MAPKAP1: variants seen among roughly 807,000 people sequenced by gnomAD.
MAPKAP1 encodes MAPK associated protein 1.
MAPKAP1 carries 20 observed loss-of-function variants against 65.7 expected under a neutral mutation model. That is an observed-to-expected ratio of 0.30 (90% confidence interval 0.21 to 0.44). The LOEUF is 0.44. Ranked by LOEUF, MAPKAP1 falls within the 20% of genes least tolerant of loss-of-function variation. The probability of loss-of-function intolerance (pLI) is 1.00; values close to 1 mark genes in which losing one functional copy is unlikely to be tolerated. For missense variants in MAPKAP1, 423 were observed against 648.0 expected (o/e 0.65, Z 3.77); for synonymous variants, 222 against 244.3 (o/e 0.91, Z 0.85).
chr9:125,579,293 A>G (rs1234009034), intron 5 of MAPKAP1, among the ~76,000 whole-genome samples: 1 of 152,132 alleles, frequency 6.6e-6, no homozygotes, highest in Non-Finnish European at 1.5e-5. Context: ...CAGGAGAACA[A>G]TATTTTTTCT....
intron 1 of MAPKAP1, among the ~76,000 whole-genome samples, chr9:125,687,445 T>C (rs1835017642): frequency 6.6e-6 from 1 of 152,058 alleles, no homozygotes; most frequent in Non-Finnish European, 1.5e-5. Context: ...AGCCATAATA[T>C]GTGTCCTATT....
chr9:125,499,155 A>G (rs927116106), intron 8 of MAPKAP1, among the ~76,000 whole-genome samples: 5 of 152,242 alleles, frequency 3.3e-5, no homozygotes, highest in Non-Finnish European at 5.9e-5. Context: ...GAGACAGTTC[A>G]TTGACAGCAC....
At chr9:125,529,385 G>A (rs700115) in intron 7 of MAPKAP1, among the ~76,000 whole-genome samples, 136,151 of 151,796 alleles carry the variant, frequency 0.9, 61,919 homozygotes, top group East Asian at 1. Flanking sequence ...CTCTACTGAA[G>A]GATAAGTTAG....
At chr9:125,624,421 C>G (rs1475151386) in intron 4 of MAPKAP1, among the ~76,000 whole-genome samples, 1 of 99,902 alleles carries the variant, frequency 1.0e-5, no homozygotes, top group Non-Finnish European at 2.1e-5. Flanking sequence ...CCGCCCCGTC[C>G]GGGAGGGAGG....
At chr9:125,705,748 T>G in intron 1 of MAPKAP1, among the ~76,000 whole-genome samples, 1 of 152,126 alleles carries the variant, frequency 6.6e-6, no homozygotes, top group Admixed American at 6.6e-5. Context: ...TGAGGCCAAC[T>G]CAGCTGAGCC....
chr9:125,683,820 TA>T (rs1834894498), intron 1 of MAPKAP1, among the ~76,000 whole-genome samples: 1 of 152,206 alleles, frequency 6.6e-6, no homozygotes, highest in South Asian at 2.1e-4. Flanking sequence ...TGAAGGAAAA[TA>T]AGCCTATAAC....
At chr9:125,686,413 A>C (rs986811423) in intron 1 of MAPKAP1, among the ~76,000 whole-genome samples, 2 of 152,222 alleles carry the variant, frequency 1.3e-5, no homozygotes, top group Admixed American at 6.5e-5. Context: ...AGGAAACCTA[A>C]ATTCCAGGGA....
At chr9:125,543,214 A>C (rs1197591304) in intron 6 of MAPKAP1, 46 bp from the exon 7 acceptor site, 2 of 1,364,598 alleles carry the variant, frequency 1.5e-6, no homozygotes, top group East Asian at 4.6e-5. Flanking sequence ...ATTCATCCAG[A>C]GAGATGTTAC....
intron 8 of MAPKAP1, among the ~76,000 whole-genome samples, chr9:125,497,881 G>A (rs545972101): frequency 2.6e-5 from 4 of 152,212 alleles, no homozygotes; most frequent in Non-Finnish European, 5.9e-5. Flanking sequence ...TGGTTCAAGC[G>A]GCACCTTTCT....
At position 125,447,694 on chromosome 9, in the gene MAPKAP1, A is replaced by C. The variant is rs1395758785; in HGVS notation, c.1346-3096T>G. ...CAGAGAAATGAACACCGAGAGTCAA[A>C]TATGATGAGCGTGAAGAAGGTAAAC... is the stretch of plus-strand genomic sequence containing the variant. On this transcript the variant is annotated intron_variant, in intron 10 of 11. Transcript: ENST00000265960. This position sits in a 1 kb window ranked among gnomAD's most constrained non-coding sequence, Gnocchi z 4.5. 6.6e-6 allele frequency among the ~76,000 whole-genome samples: 1 copy of C among 152,222 alleles called. No homozygotes were observed. Among genetic ancestry groups the C allele is most frequent in the Non-Finnish European group, 1.5e-5 (1 of 68,044 alleles).
At chr9:125,496,263 T>C (rs1004334938) in intron 8 of MAPKAP1, among the ~76,000 whole-genome samples, 1 of 152,208 alleles carries the variant, frequency 6.6e-6, no homozygotes, top group Non-Finnish European at 1.5e-5. Context: ...TAAATTCTAA[T>C]AGCGTGCAGC....
chr9:125,469,297 G>T (rs926551600), intron 9 of MAPKAP1, among the ~76,000 whole-genome samples: 4 of 152,014 alleles, frequency 2.6e-5, no homozygotes, highest in South Asian at 2.1e-4. Context: ...CAAAATGTGA[G>T]AAAACTTAGT....
intron 8 of MAPKAP1, 23 bp downstream of exon 8, chr9:125,506,287 A>G (rs1385391915): frequency 1.9e-6 from 3 of 1,596,816 alleles, no homozygotes; most frequent in South Asian, 1.1e-5. Flanking sequence ...CAAAGCGGGC[A>G]TGGAGCGAGG....
At chr9:125,482,148 A>AAAGAAG (rs549036267) in intron 9 of MAPKAP1, among the ~76,000 whole-genome samples, 12,143 of 116,772 alleles carry the variant, frequency 0.1, 1,399 homozygotes, top group African/African-American at 0.27. Flanking sequence ...AAAAAAAAAA[A>AAAGAAG]AAGAAGAAGA....
intron 7 of MAPKAP1, among the ~76,000 whole-genome samples, chr9:125,539,804 T>G (rs1374016073): frequency 6.6e-6 from 1 of 152,198 alleles, no homozygotes; most frequent in African/African-American, 2.4e-5. Context: ...TCTTAAATAG[T>G]AGGGACTTCC....
chr9:125,635,536 G>T (rs1008521957), intron 4 of MAPKAP1, among the ~76,000 whole-genome samples: 1 of 152,188 alleles, frequency 6.6e-6, no homozygotes. Flanking sequence ...CCACAAGACC[G>T]TTCATGAAGC....
chr9:125,561,560 A>C (rs1564559091), intron 5 of MAPKAP1, among the ~76,000 whole-genome samples: 2 of 152,246 alleles, frequency 1.3e-5, no homozygotes, highest in Non-Finnish European at 1.5e-5. Context: ...ACTTAAAAAC[A>C]GAACAATTAG....
chr9:125,650,821 T>C (rs1048499805), intron 4 of MAPKAP1, among the ~76,000 whole-genome samples: 3 of 152,236 alleles, frequency 2.0e-5, no homozygotes, highest in African/African-American at 7.2e-5. Flanking sequence ...TTGTGATTCC[T>C]ATTTAACTCA....
chr9:125,468,181 T>C, intron 9 of MAPKAP1, 72 bp from the exon 10 acceptor site: 1 of 1,506,736 alleles, frequency 6.6e-7, no homozygotes, highest in South Asian at 1.2e-5. Flanking sequence ...GGGAAATCAT[T>C]TGACCTGTTT....
Sources: gnomAD v4.1 joint callset for allele counts (sites outside exome capture counted in the v4.1 genomes callset) on GRCh38, gnomAD v4.1.1 for gene constraint, Gnocchi (gnomAD v3.1) non-coding constraint, MANE v1.5 for transcripts, NCBI Gene and HGNC (gene_info 2026-07-23, HGNC 2026-07-21) for gene names.